The following NRG1 variants were observed in gnomAD, a reference collection of about 807,000 sequenced individuals.
NRG1 encodes pro-neuregulin-1, membrane-bound isoform.
A neutral mutation model predicts 63.8 loss-of-function variants in NRG1; 18 were observed. The observed-to-expected ratio is 0.28, with a 90% CI of 0.19 to 0.42. NRG1 has a LOEUF of 0.42. Ranked by LOEUF, NRG1 falls within the 10% of genes least tolerant of loss-of-function variation. NRG1 has a pLI of 1.00. For missense variants in NRG1, 762 were observed against 814.7 expected, an observed-to-expected ratio of 0.94 and a Z score of 0.79; for synonymous variants, 302 against 301.3, an observed-to-expected ratio of 1.00 and a Z score of -0.02.
chr8:32,440,043 C>A (rs1819332384), intron 1 of NRG1, among the ~76,000 whole-genome samples: 1 of 152,074 alleles, frequency 6.6e-6, no homozygotes, highest in African/African-American at 2.4e-5. Flanking sequence ...GCTGGGGAGG[C>A]CTCAGGAAAC....
intron 1 of NRG1, among the ~76,000 whole-genome samples, chr8:31,882,135 G>A (rs1830393062): frequency 6.6e-6 from 1 of 152,000 alleles, no homozygotes; most frequent in Non-Finnish European, 1.5e-5. Context: ...AGGGGCTAAT[G>A]CAGCAGGTGA....
In NRG1 at chr8:32,647,144, A is replaced by G. The variant is rs1003653929; in HGVS notation, c.502+30259A>G. On this transcript the variant is annotated intron_variant, in intron 5 of 11. Coordinates refer to ENST00000356819, the Ensembl canonical transcript of NRG1. Reference sequence around the variant, plus strand: ...TTGCAGTGATGCTCCGAGGGCAGGCACCTGCTGCTCTGTAATGATTCAGCC... The same window carrying G: ...TTGCAGTGATGCTCCGAGGGCAGGCGCCTGCTGCTCTGTAATGATTCAGCC... 3 of 985,174 alleles carry G rather than the reference A, an allele frequency of 3.0e-6. No homozygotes were observed. In the African/African-American group the frequency reaches 5.2e-5, roughly 17 times the overall value. 61.0% of individuals were successfully genotyped at this position (985,174 alleles called of 1,614,324 possible).
intron 1 of NRG1, among the ~76,000 whole-genome samples, chr8:32,067,813 T>G (rs969323621): frequency 6.6e-6 from 1 of 152,056 alleles, no homozygotes; most frequent in African/African-American, 2.4e-5. Context: ...AAACATTTTT[T>G]CATATACTGG....
intron 1 of NRG1, among the ~76,000 whole-genome samples, chr8:31,672,893 T>C (rs984874687): frequency 2.0e-5 from 3 of 151,990 alleles, no homozygotes; most frequent in Admixed American, 2.0e-4. Context: ...TTCCAAGATA[T>C]ATTTTACATT....
chr8:32,755,020 T>C (rs529186032), intron 8 of NRG1, among the ~76,000 whole-genome samples: 2 of 152,292 alleles, frequency 1.3e-5, no homozygotes, highest in Admixed American at 1.3e-4. Flanking sequence ...TTCTGAGTTA[T>C]AGTGATTATT....
intron 1 of NRG1, among the ~76,000 whole-genome samples, chr8:32,187,119 A>G (rs188151339): frequency 2.0e-5 from 3 of 152,340 alleles, no homozygotes; most frequent in East Asian, 3.9e-4. Flanking sequence ...AGTGAAGCAT[A>G]GAATGTGTTA....
At chr8:32,662,171 C>T (rs187797037) in intron 5 of NRG1, among the ~76,000 whole-genome samples, 5 of 152,120 alleles carry the variant, frequency 3.3e-5, no homozygotes, top group African/African-American at 1.2e-4. Context: ...TTCAAAAATA[C>T]CCTTAAGAAA....
intron 1 of NRG1, among the ~76,000 whole-genome samples, chr8:31,781,226 G>C (rs1010043097): frequency 5.3e-5 from 8 of 152,154 alleles, no homozygotes; most frequent in African/African-American, 1.9e-4. Context: ...ACATTAATTT[G>C]ATTGAAGCCT....
intron 1 of NRG1, among the ~76,000 whole-genome samples, chr8:31,968,741 C>G (rs1433867102): frequency 6.6e-6 from 1 of 152,092 alleles, no homozygotes; most frequent in Non-Finnish European, 1.5e-5. Flanking sequence ...TTTTTTCTAT[C>G]TGTATAGCAG....
intron 1 of NRG1, among the ~76,000 whole-genome samples, chr8:32,225,242 G>T (rs1445655816): frequency 6.6e-6 from 1 of 152,194 alleles, no homozygotes; most frequent in Non-Finnish European, 1.5e-5. Context: ...GGACAAAGTA[G>T]TTACTGCACG....
chr8:32,136,528 A>G (rs1046399906), intron 1 of NRG1: 1 of 152,196 alleles, frequency 6.6e-6, no homozygotes, highest in Non-Finnish European at 1.5e-5. Context: ...GTGATGGTCT[A>G]CTTGAGCTCT....
chr8:32,598,924 T>C (rs1370120278), intron 2 of NRG1, among the ~76,000 whole-genome samples: 1 of 152,120 alleles, frequency 6.6e-6, no homozygotes, highest in African/African-American at 2.4e-5. Context: ...AATATAATTA[T>C]TGTTATACCC....
intron 1 of NRG1, among the ~76,000 whole-genome samples, chr8:31,791,378 A>C (rs1419649460): frequency 1.3e-5 from 2 of 152,156 alleles, no homozygotes; most frequent in Non-Finnish European, 2.9e-5. Flanking sequence ...AATTATCACT[A>C]TCAGTAATTA....
intron 6 of NRG1, among the ~76,000 whole-genome samples, chr8:32,733,392 A>G (rs1168461166): frequency 6.6e-6 from 1 of 152,220 alleles, no homozygotes; most frequent in East Asian, 1.9e-4. Flanking sequence ...AAACATAACT[A>G]TGGGAGACAA....
intron 1 of NRG1, among the ~76,000 whole-genome samples, chr8:32,361,917 A>T (rs1466246818): frequency 6.6e-6 from 1 of 151,936 alleles, no homozygotes; most frequent in African/African-American, 2.4e-5. Flanking sequence ...CCCATCCCTC[A>T]TGTCACACAG....
intron 1 of NRG1, among the ~76,000 whole-genome samples, chr8:31,662,329 A>G (rs1348278771): frequency 6.6e-6 from 1 of 152,246 alleles, no homozygotes; most frequent in Non-Finnish European, 1.5e-5. Context: ...CTAACTGAAA[A>G]TGAACTGTCC....
At chr8:31,840,084 TG>T (rs998338702) in intron 1 of NRG1, among the ~76,000 whole-genome samples, 3 of 152,138 alleles carry the variant, frequency 2.0e-5, no homozygotes, top group African/African-American at 7.2e-5. Context: ...ACTGTGTTCA[TG>T]GGGAAAAGGA....
intron 1 of NRG1, among the ~76,000 whole-genome samples, chr8:32,274,062 G>GA (rs1179745685): frequency 6.6e-6 from 1 of 151,952 alleles, no homozygotes; most frequent in African/African-American, 2.4e-5. Context: ...ATGGCTGGTG[G>GA]AAAAAAAGAA....
At chr8:32,091,631 G>A (rs141751389) in intron 1 of NRG1, among the ~76,000 whole-genome samples, 68 of 152,260 alleles carry the variant, frequency 4.5e-4, no homozygotes, top group Non-Finnish European at 8.7e-4. Flanking sequence ...GGTGTCATGG[G>A]CTCTACAAGG....
Sources: gnomAD v4.1 joint callset for allele counts (sites outside exome capture counted in the v4.1 genomes callset) on GRCh38, gnomAD v4.1.1 for gene constraint, MANE v1.5 for transcripts, NCBI Gene and HGNC (gene_info 2026-07-23, HGNC 2026-07-21) for gene names.